B4GALT1: variants seen among roughly 807,000 people sequenced by gnomAD.
B4GALT1 encodes the protein beta-1,4-galactosyltransferase 1, also known as N-acetyllactosamine synthase.
In B4GALT1, 16 loss-of-function variants were observed where a neutral mutation model predicts 34.9. The observed-to-expected ratio is 0.46, with a 90% CI of 0.31 to 0.70. The LOEUF (loss-of-function observed/expected upper bound fraction) is 0.70, where lower values mean the gene tolerates loss of function less well. Ranked by LOEUF, B4GALT1 falls within the 30% of genes least tolerant of loss-of-function variation. B4GALT1 has a pLI of 0.05. For synonymous variants in B4GALT1, 221 were observed against 218.1 expected, an observed-to-expected ratio of 1.01 and a Z score of -0.12; for missense variants, 445 against 530.5, an observed-to-expected ratio of 0.84 and a Z score of 1.58.
the B4GALT1 span, among the ~76,000 whole-genome samples, chr9:33,172,639 T>C: frequency 0.92 from 140,424 of 152,198 alleles, 64,895 homozygotes; most frequent in East Asian, 1. Flanking sequence ...GGTTCAGGGA[T>C]GGGAGATACG....
rs529679969 is a variant in B4GALT1 at position 33,121,782 on chromosome 9, CTGAA to C, written c.649-1180_649-1177del. Among the ~76,000 whole-genome samples the C allele has an allele frequency of 4.4e-3, 674 of 152,026 alleles. 3 individuals carry two copies. The highest frequency in any genetic ancestry group is 7.4e-3 in the Non-Finnish European group (504 of 67,986). On this transcript the variant is annotated intron_variant, in intron 2 of 5. Transcript: ENST00000379731. ...AGCTCAACAAATAGTTGCTGGTTGG[CTGAA>C]TGAATGAATGAATGAATGGGGTTCA...
At chr9:33,145,454 A>G (rs982136820) in intron 1 of B4GALT1, among the ~76,000 whole-genome samples, 1 of 152,196 alleles carries the variant, frequency 6.6e-6, no homozygotes, top group Non-Finnish European at 1.5e-5. Context: ...TCAGCCCAGG[A>G]TGCTCTCGCC....
chr9:33,108,590 G>C (rs1822572559), downstream of B4GALT1: 1 of 152,280 alleles, frequency 6.6e-6, no homozygotes, highest in Non-Finnish European at 1.5e-5. Flanking sequence ...GCATATGTCA[G>C]CTGTGTTATG....
At chr9:33,139,275 T>C (rs554217476) in intron 1 of B4GALT1, among the ~76,000 whole-genome samples, 4 of 152,100 alleles carry the variant, frequency 2.6e-5, no homozygotes, top group Admixed American at 6.5e-5. Context: ...TAAATGAAAA[T>C]TACCCTGGTT....
In B4GALT1 at chr9:33,115,962, G is replaced by T. The variant is rs139293818; in HGVS notation, c.959+29C>A. On this transcript the variant is annotated intron_variant, in intron 4 of 5. Coordinates refer to ENST00000379731, the MANE Select transcript of B4GALT1 (RefSeq NM_001497.4). Reference sequence around the variant, plus strand: ...AAACTGGAAGTGAAGGTTGACAGAGGAGAAAGATATCTAAGTTATGACCAT... The same window carrying T: ...AAACTGGAAGTGAAGGTTGACAGAGTAGAAAGATATCTAAGTTATGACCAT... 2.2e-4 allele frequency: 353 copies of T among 1,603,774 alleles called. 1 individual carries two copies. In the African/African-American group the frequency reaches 4.1e-3, roughly 19 times the overall value.
intron 1 of B4GALT1, among the ~76,000 whole-genome samples, chr9:33,150,783 C>T (rs895093928): frequency 1.3e-5 from 2 of 152,142 alleles, no homozygotes; most frequent in East Asian, 3.8e-4. Context: ...AAAGCAGTGG[C>T]TTCCATTTTG....
chr9:33,125,476 C>T (rs886427698), intron 2 of B4GALT1, among the ~76,000 whole-genome samples: 1 of 152,124 alleles, frequency 6.6e-6, no homozygotes, highest in Admixed American at 6.5e-5. Flanking sequence ...GTGCCCCAAT[C>T]CAACTGAAGG....
intron 1 of B4GALT1, among the ~76,000 whole-genome samples, chr9:33,162,345 C>T (rs760509567): frequency 3.3e-5 from 5 of 152,086 alleles, no homozygotes; most frequent in Non-Finnish European, 7.4e-5. Context: ...CCCTAGATGA[C>T]CTCAGCACTG....
intron 1 of B4GALT1, among the ~76,000 whole-genome samples, chr9:33,151,620 T>C (rs1840518804): frequency 6.6e-6 from 1 of 152,260 alleles, no homozygotes; most frequent in Non-Finnish European, 1.5e-5. Context: ...TACATACTTA[T>C]CGCATGTTCT....
At chr9:33,174,763 C>G in the B4GALT1 span, among the ~76,000 whole-genome samples, 1 of 147,620 alleles carries the variant, frequency 6.8e-6, no homozygotes, top group Non-Finnish European at 1.5e-5. Context: ...TCAAGACCAG[C>G]CTGGACAATA....
At chr9:33,149,269 A>AT (rs1840474264) in intron 1 of B4GALT1, among the ~76,000 whole-genome samples, 2 of 151,356 alleles carry the variant, frequency 1.3e-5, no homozygotes, top group African/African-American at 2.4e-5. Flanking sequence ...ATACTTAAAA[A>AT]ATTTTTTTAT....
chr9:33,128,129 G>A (rs1840140534), intron 2 of B4GALT1, among the ~76,000 whole-genome samples: 1 of 152,144 alleles, frequency 6.6e-6, no homozygotes, highest in South Asian at 2.1e-4. Flanking sequence ...GAGGCGGAAA[G>A]TACAGAAGAG....
chr9:33,183,592 C>T, the B4GALT1 span, among the ~76,000 whole-genome samples: 12 of 124,594 alleles, frequency 9.6e-5, 1 homozygote, highest in South Asian at 3.0e-3. Flanking sequence ...AATGAGATCA[C>T]ATGGATACAG....
chr9:33,130,828 G>A (rs1438591642), intron 2 of B4GALT1, among the ~76,000 whole-genome samples: 1 of 152,090 alleles, frequency 6.6e-6, no homozygotes, highest in Admixed American at 6.5e-5. Flanking sequence ...TGCGGGCCCT[G>A]AGTGGGGGTG....
upstream of B4GALT1, among the ~76,000 whole-genome samples, chr9:33,168,504 G>A (rs1840805378): frequency 1.3e-5 from 2 of 152,214 alleles, no homozygotes; most frequent in Admixed American, 1.3e-4. Flanking sequence ...AGTACTATCT[G>A]CCATGAAGTA....
Position 33,135,428 on chromosome 9 carries a change from G to C in B4GALT1, c.413-4C>G. On this transcript the variant is annotated splice_polypyrimidine_tract_variant and splice_region_variant and intron_variant, in intron 1 of 5. Transcript: ENST00000379731. The stretch of plus-strand genomic sequence containing the variant: ...AACTCAATCAGCATGGGGCCCACTA[G>C]AGAGGTGGAGGGAGGGAGAAGTTAG... The C allele has an allele frequency of 1.9e-6, 3 of 1,613,876 alleles. No individual in the cohort carries two copies. Among genetic ancestry groups the C allele is most frequent in the Non-Finnish European group, 2.5e-6 (3 of 1,179,886 alleles).
At chr9:33,119,508 A>G (rs1487313711) in intron 3 of B4GALT1, among the ~76,000 whole-genome samples, 1 of 152,248 alleles carries the variant, frequency 6.6e-6, no homozygotes, top group Non-Finnish European at 1.5e-5. Flanking sequence ...CTTGAGCCCA[A>G]GAGTTCAAGC....
At chr9:33,174,978 AAAAAAAAAAAAAATATATATATAT>A in the B4GALT1 span, among the ~76,000 whole-genome samples, 5 of 20,000 alleles carry the variant, frequency 2.5e-4, no homozygotes, top group South Asian at 5.3e-3. Context: ...AAAAAAAAAA[AAAAAAAAAAAAAATATATATATAT>A]ATATATATAT....
chr9:33,121,526 CTTTTTT>C (rs35406954), intron 2 of B4GALT1, among the ~76,000 whole-genome samples: 5 of 130,736 alleles, frequency 3.8e-5, no homozygotes, highest in Admixed American at 7.9e-5. Context: ...CCATGCCCGG[CTTTTTT>C]TTTTTTTTTT....
Sources: gnomAD v4.1 joint callset for allele counts (sites outside exome capture counted in the v4.1 genomes callset) on GRCh38, gnomAD v4.1.1 for gene constraint, MANE v1.5 for transcripts, NCBI Gene and HGNC (gene_info 2026-07-23, HGNC 2026-07-21) for gene names.